The following CCDC180 variants were observed in gnomAD, a reference collection of about 807,000 sequenced individuals.
CCDC180 encodes coiled-coil domain containing 180.
A neutral mutation model predicts 209.2 loss-of-function variants in CCDC180; 154 were observed. That is an observed-to-expected ratio of 0.74 (90% CI 0.65 to 0.84). The LOEUF (loss-of-function observed/expected upper bound fraction) is 0.84, where lower values mean the gene tolerates loss of function less well. CCDC180 is among the 40% of genes least tolerant of loss of function. The probability of loss-of-function intolerance (pLI) is 0.00; values close to 1 mark genes in which losing one functional copy is unlikely to be tolerated. For synonymous variants in CCDC180, 778 were observed against 749.1 expected (o/e 1.04, Z -0.63); for missense variants, 1,874 against 1,997.3 (o/e 0.94, Z 1.18).
At chr9:97,341,345 G>T (rs899472644) in intron 18 of CCDC180, among the ~76,000 whole-genome samples, 1 of 152,138 alleles carries the variant, frequency 6.6e-6, no homozygotes, top group Non-Finnish European at 1.5e-5. Flanking sequence ...CACGGGGAGA[G>T]ACCCACCGAC....
chr9:97,341,652 A>C (rs1587812372), intron 18 of CCDC180, among the ~76,000 whole-genome samples: 1 of 152,156 alleles, frequency 6.6e-6, no homozygotes, highest in Non-Finnish European at 1.5e-5. Context: ...CCACTTGAGG[A>C]GGTGGTCTGT....
intron 11 of CCDC180, 55 bp downstream of exon 11, chr9:97,320,260 TGCTTTG>T: frequency 2.6e-6 from 4 of 1,517,426 alleles, no homozygotes; most frequent in Non-Finnish European, 3.7e-6. Flanking sequence ...TTTAAGCAGT[TGCTTTG>T]CTGAAGCTCA....
chr9:97,307,468 T>C, upstream of CCDC180: 1 of 593,544 alleles, frequency 1.7e-6, no homozygotes, highest in South Asian at 1.8e-5. Flanking sequence ...TCAGTCTACT[T>C]GGCGGGCTAG....
intron 19 of CCDC180, among the ~76,000 whole-genome samples, chr9:97,346,720 G>A (rs1373901035): frequency 2.0e-5 from 3 of 152,140 alleles, no homozygotes; most frequent in Non-Finnish European, 2.9e-5. Flanking sequence ...GACCATAGGC[G>A]CATGTCACCA....
rs747710633 is a variant in CCDC180, at chr9:97,362,413, C to T, written c.3874C>T (p.Pro1292Ser). 5.0e-6 allele frequency: 8 copies of T among 1,613,978 alleles called. No individual in the cohort carries two copies. The African/African-American group carries it at 5.3e-5, about 11-fold the overall frequency. ...AGAAAACTCTGGGAAGAAGGCTGTA[C>T]CCAGTGCCAGTGCTACCTCTGCAGG... The part of the protein sequence containing the change: ...QPENSGKKAV[P>S]SASATSAGSF... The change falls in exon 28 of 37, where the codon CCC becomes TCC. Residue 1292 changes from proline to serine, a missense_variant. Coordinates refer to ENST00000529487, the MANE Select transcript of CCDC180 (RefSeq NM_020893.6).
Position 97,314,681 on chromosome 9 carries a change from G to T in CCDC180, c.652G>T (p.Glu218Ter), listed in dbSNP as rs1032532866. Reference sequence around the variant, plus strand: ...ACTGCTCCGGAAGCAGGAGATTAAGGAGCTGGATGAGGCCCTGCACTCGCT... The same window carrying T: ...ACTGCTCCGGAAGCAGGAGATTAAGTAGCTGGATGAGGCCCTGCACTCGCT... The part of the protein sequence containing the change: ...RLLLRKQEIK[E>*]LDEALHSLEF... The change falls in exon 7 of 37, where the codon GAG becomes TAG. Residue 218 changes from glutamate to a stop codon, truncating the protein, a stop_gained. Coordinates refer to ENST00000529487, the MANE Select transcript of CCDC180 (RefSeq NM_020893.6). LOFTEE classifies it high-confidence loss of function. The T allele has an allele frequency of 1.4e-5, 22 of 1,613,970 alleles. No homozygotes were observed. The highest frequency in any genetic ancestry group is 5.3e-5 in the African/African-American group (4 of 74,932).
intron 34 of CCDC180, chr9:97,372,109 C>G (rs1827117524): frequency 6.5e-6 from 1 of 155,004 alleles, no homozygotes; most frequent in South Asian, 2.0e-4. Flanking sequence ...GGGTTAATAT[C>G]CTTGTGGTAC....
chr9:97,357,539 A>G, intron 24 of CCDC180, 88 bp from the exon 25 acceptor site: 2 of 816,720 alleles, frequency 2.4e-6, no homozygotes, highest in Non-Finnish European at 4.0e-6. Flanking sequence ...GTGCTTAATC[A>G]GTTTCTCAGA....
Position 97,366,301 on chromosome 9 carries a change from G to A in CCDC180, c.4048-258G>A, listed in dbSNP as rs1278005908. ...CTGAGATTCCATTGATTTGGGTCTT[G>A]AAGGATAAATAGGATTCTTGCCAGT... On this transcript the variant is annotated intron_variant, in intron 30 of 36. Transcript: ENST00000529487. This position sits in a 1 kb window ranked among gnomAD's most constrained non-coding sequence, Gnocchi z 4.3. Among the ~76,000 whole-genome samples the A allele has an allele frequency of 1.3e-5, 2 of 152,230 alleles. No homozygotes were observed. Among genetic ancestry groups the A allele is most frequent in the African/African-American group, 4.8e-5 (2 of 41,460 alleles).
chr9:97,373,655 T>A (rs776071921), intron 34 of CCDC180: 7 of 152,250 alleles, frequency 4.6e-5, no homozygotes, highest in Non-Finnish European at 7.3e-5. Context: ...GTCCCTTTGC[T>A]ATTGAACTTT....
intron 20 of CCDC180, among the ~76,000 whole-genome samples, chr9:97,348,293 T>C (rs1002531618): frequency 6.6e-6 from 1 of 152,188 alleles, no homozygotes; most frequent in African/African-American, 2.4e-5. Context: ...ACAACTGGCC[T>C]TGAATCCCAG....
At chr9:97,333,503 G>GTTTTTGTTTTTTTTTTTTTTT (rs1564157871) in intron 18 of CCDC180, among the ~76,000 whole-genome samples, 1 of 72,850 alleles carries the variant, frequency 1.4e-5, no homozygotes, top group African/African-American at 6.9e-5. Flanking sequence ...CTGGGTTTGG[G>GTTTTTGTTTTTTTTTTTTTTT]TTTTTTTTTT....
chr9:97,343,809 G>A lies in CCDC180; in HGVS notation c.2498+246G>A, dbSNP rs187002833. ...ACCTCAGGAGGCTCTCTGCTGGCTT[G>A]GGCCTTGGAGATAAGATACAGTGTT... On this transcript the variant is annotated intron_variant, in intron 19 of 36. Coordinates refer to ENST00000529487, the MANE Select transcript of CCDC180 (RefSeq NM_020893.6). Among the ~76,000 whole-genome samples the A allele has an allele frequency of 2.2e-4, 33 of 152,300 alleles. No homozygotes were observed. The East Asian group carries it at 5.8e-3, about 27-fold the overall frequency.
In CCDC180 at chr9:97,320,129, C is replaced by T; in HGVS notation, c.1083C>T (p.Asp361=). The T allele has an allele frequency of 6.2e-7, 1 of 1,614,018 alleles. No individual in the cohort carries two copies. The highest frequency in any genetic ancestry group is 8.5e-7 in the Non-Finnish European group (1 of 1,179,910). ...CTTGCTGTATCTTCCTTCCCAGTGA[C>T]CTCCTGCCCCCCAGTTACAGCAAAA... is the stretch of plus-strand genomic sequence containing the variant. The part of the protein sequence containing the change: ...RRLKHLCTIC[D]LLPPSYSKTQ... Residue 361 remains aspartate (D), a synonymous_variant, in exon 11 of 37, where the codon GAC becomes GAT. Coordinates refer to ENST00000529487, the MANE Select transcript of CCDC180 (RefSeq NM_020893.6).
At chr9:97,349,662 G>T in intron 21 of CCDC180, among the ~76,000 whole-genome samples, 1 of 152,334 alleles carries the variant, frequency 6.6e-6, no homozygotes, top group South Asian at 2.1e-4. Flanking sequence ...ATGGGAGAGG[G>T]TTGAATTCCA....
At position 97,361,186 on chromosome 9, in the gene CCDC180, G is replaced by A. The variant is rs147887527; in HGVS notation, c.3484-540G>A. Among the ~76,000 whole-genome samples, 7 of 152,274 alleles carry A rather than the reference G, an allele frequency of 4.6e-5. No homozygotes were observed. The East Asian group carries it at 7.7e-4, about 17-fold the overall frequency. On this transcript the variant is annotated intron_variant, in intron 26 of 36. Coordinates refer to ENST00000529487, the MANE Select transcript of CCDC180 (RefSeq NM_020893.6). ...AACAGCCTAGGTGCTCACCATGGGC[G>A]CCAATTCCACACTTTCTCTAGGAGC...
intron 14 of CCDC180, among the ~76,000 whole-genome samples, chr9:97,326,070 A>G (rs377634494): frequency 6.6e-6 from 1 of 152,242 alleles, no homozygotes; most frequent in Non-Finnish European, 1.5e-5. Context: ...TCATTCATGT[A>G]GCAAATTGTG....
chr9:97,353,815 G>A (rs1826489181), intron 22 of CCDC180, among the ~76,000 whole-genome samples: 1 of 152,040 alleles, frequency 6.6e-6, no homozygotes, highest in South Asian at 2.1e-4. Context: ...CTGGTATCTG[G>A]TGGGGTTCGT....
rs749003415 is a variant in CCDC180, at chr9:97,307,775, G to A, written c.-113G>A. ...TGCGCCATGCGCGGCGGGGAGAACC[G>A]GCCTCCTGCTCGAGTTCAGAGCTCA... On this transcript the variant is annotated 5_prime_UTR_variant, in exon 1 of 37. Coordinates refer to ENST00000529487, the MANE Select transcript of CCDC180 (RefSeq NM_020893.6). The A allele has an allele frequency of 4.3e-6, 7 of 1,614,076 alleles. No homozygotes were observed. In the African/African-American group the frequency reaches 6.7e-5, roughly 15 times the overall value.
Sources: allele counts gnomAD v4.1 joint callset (sites outside exome capture counted in the v4.1 genomes callset), GRCh38; gene constraint gnomAD v4.1.1; non-coding constraint Gnocchi (gnomAD v3.1); transcripts MANE v1.5; gene names NCBI Gene and HGNC (gene_info 2026-07-23, HGNC 2026-07-21).